PCSK5: variants seen among roughly 807,000 people sequenced by gnomAD.
The protein encoded by PCSK5 is proprotein convertase subtilisin/kexin type 5, also known as prohormone convertase 5.
In PCSK5, 129 loss-of-function variants were observed where a neutral mutation model predicts 233.2. The ratio of observed to expected loss-of-function variants is 0.55; its 90% CI spans 0.48 to 0.64. The LOEUF (loss-of-function observed/expected upper bound fraction) is 0.64, where lower values mean the gene tolerates loss of function less well. Among genes scored for constraint, PCSK5 ranks in the 30% least tolerant of loss-of-function variants. The probability of loss-of-function intolerance (pLI) is 0.00; values close to 1 mark genes in which losing one functional copy is unlikely to be tolerated. For missense variants in PCSK5, 2,076 were observed against 2,430.1 expected (o/e 0.85, Z 3.06); for synonymous variants, 825 against 879.2 (o/e 0.94, Z 1.09).
intron 32 of PCSK5, among the ~76,000 whole-genome samples, chr9:76,324,358 G>A (rs998620479): frequency 6.6e-6 from 1 of 152,046 alleles, no homozygotes; most frequent in African/African-American, 2.4e-5. Context: ...AGCCTCCTGA[G>A]TAGCTGGGAT....
At chr9:76,138,676 T>G (rs1823078939) in intron 10 of PCSK5, among the ~76,000 whole-genome samples, 1 of 152,090 alleles carries the variant, frequency 6.6e-6, no homozygotes, top group Non-Finnish European at 1.5e-5. Context: ...TAGTTTTCTT[T>G]TTTTCAAAGT....
chr9:76,210,222 T>C (rs1825279705), intron 20 of PCSK5, among the ~76,000 whole-genome samples: 1 of 152,136 alleles, frequency 6.6e-6, no homozygotes, highest in Non-Finnish European at 1.5e-5. Flanking sequence ...ATCAAGCCAG[T>C]TACTGTAAGC....
chr9:75,934,368 G>T (rs1039506901), intron 2 of PCSK5, among the ~76,000 whole-genome samples: 2 of 152,050 alleles, frequency 1.3e-5, no homozygotes, highest in Admixed American at 1.3e-4. Context: ...CCACACTTTC[G>T]GATCTTTCTT....
rs570760326 is a variant in PCSK5 at position 76,314,964 on chromosome 9, A to AT, written c.3884+4124dup. Among the ~76,000 whole-genome samples, 330 of 135,586 alleles carry AT rather than the reference A, an allele frequency of 2.4e-3. 1 individual carries two copies. Among genetic ancestry groups the AT allele is most frequent in the African/African-American group, 6.6e-3 (238 of 36,122 alleles). The allele number at this position is 135,586 out of a possible 152,430, so 88.9% of individuals were successfully genotyped here. On this transcript the variant is annotated intron_variant, in intron 30 of 37. Transcript: ENST00000674117. ...CAAAAATAGGTTTTAACAGTAACGTATTTTTTTTTTTCTGAGATGGAGTTT... is the reference window on the plus strand; with the variant it reads ...CAAAAATAGGTTTTAACAGTAACGTATTTTTTTTTTTTCTGAGATGGAGTTT...
rs958430691 is a variant in PCSK5, at chr9:76,302,152, C to T, written c.3539C>T (p.Ala1180Val). The change falls in exon 28 of 38, where the codon GCA becomes GTA. Residue 1180 changes from alanine (A) to valine (V), a missense_variant. By Grantham distance (64) the Ala-to-Val change is moderately conservative. Coordinates refer to ENST00000674117, the MANE Select transcript of PCSK5 (RefSeq NM_001372043.1). ...GKFWNEAVSTANLSVVKSLLQ... is the reference protein window; with the variant it reads ...GKFWNEAVSTVNLSVVKSLLQ... ...AATAAAAAAGAAGCTGTGTCCACTG[C>T]AAACCTATCTGTGGTGAAGAGCCTG... The T allele has an allele frequency of 7.5e-7, 1 of 1,339,056 alleles. No individual in the cohort carries two copies. Among genetic ancestry groups the T allele is most frequent in the African/African-American group, 1.5e-5 (1 of 65,452 alleles). 82.9% of individuals were successfully genotyped at this position (1,339,056 alleles called of 1,614,324 possible). A position where few individuals can be genotyped will look rare whatever the true frequency, so the allele number is the denominator to read the frequency against.
intron 30 of PCSK5, among the ~76,000 whole-genome samples, chr9:76,312,816 T>C (rs2131442536): frequency 6.6e-6 from 1 of 152,242 alleles, no homozygotes; most frequent in East Asian, 1.9e-4. Flanking sequence ...GATATTGATA[T>C]TGATATTGAT....
chr9:76,358,021 A>C (rs1379587558), intron 37 of PCSK5, among the ~76,000 whole-genome samples: 1 of 152,176 alleles, frequency 6.6e-6, no homozygotes, highest in African/African-American at 2.4e-5. Context: ...TTTTCTTAGG[A>C]GGGAAATAGA....
At chr9:76,228,507 T>G (rs941663094) in intron 21 of PCSK5, among the ~76,000 whole-genome samples, 3 of 152,216 alleles carry the variant, frequency 2.0e-5, no homozygotes, top group Non-Finnish European at 4.4e-5. Flanking sequence ...TCGGGGATAA[T>G]AGCAGGCACT....
intron 5 of PCSK5, among the ~76,000 whole-genome samples, chr9:76,042,342 A>C (rs1001048888): frequency 6.6e-6 from 1 of 152,226 alleles, no homozygotes; most frequent in African/African-American, 2.4e-5. Flanking sequence ...TATTTCTCTT[A>C]AATGACTTCA....
At chr9:76,115,303 T>C (rs1832380377) in intron 9 of PCSK5, among the ~76,000 whole-genome samples, 1 of 152,090 alleles carries the variant, frequency 6.6e-6, no homozygotes, top group African/African-American at 2.4e-5. Flanking sequence ...AAAAAGTGCC[T>C]ACCCGGAGAT....
At chr9:76,251,224 G>A (rs986996141) in intron 24 of PCSK5, among the ~76,000 whole-genome samples, 3 of 152,064 alleles carry the variant, frequency 2.0e-5, no homozygotes, top group African/African-American at 4.8e-5. Context: ...CTATGATCAC[G>A]CCACTGCACT....
At chr9:76,159,670 T>G (rs7357635) in intron 12 of PCSK5, among the ~76,000 whole-genome samples, 46,484 of 152,052 alleles carry the variant, frequency 0.31, 7,799 homozygotes, top group African/African-American at 0.43. Context: ...AACTCTGCCA[T>G]TCGAGTACAG....
chr9:76,114,943 G>A (rs1369890535), intron 9 of PCSK5, among the ~76,000 whole-genome samples: 3 of 152,046 alleles, frequency 2.0e-5, no homozygotes, highest in Admixed American at 6.6e-5. Context: ...AGAGATTAGG[G>A]TAGCCTGGTC....
chr9:75,982,526 C>T (rs1218891637), intron 2 of PCSK5, among the ~76,000 whole-genome samples: 1 of 152,120 alleles, frequency 6.6e-6, no homozygotes, highest in East Asian at 1.9e-4. Context: ...AGTTTGGTTT[C>T]ATTTGCTTTT....
intron 3 of PCSK5, among the ~76,000 whole-genome samples, chr9:76,006,232 T>C (rs1440704994): frequency 2.6e-5 from 4 of 152,252 alleles, no homozygotes; most frequent in East Asian, 3.9e-4. Flanking sequence ...AATTTTAATG[T>C]ATTTTTATTT....
chr9:76,227,433 C>A, intron 20 of PCSK5, 70 bp from the exon 21 acceptor site: 1 of 1,072,240 alleles, frequency 9.3e-7, no homozygotes, highest in South Asian at 1.4e-5. Flanking sequence ...GATCTGGCTG[C>A]TCTCAGACTG....
At position 76,295,310 on chromosome 9, in the gene PCSK5, AG is replaced by A. The variant is rs1446869493; in HGVS notation, c.3222del (p.Thr1075ProfsTer33). 1.3e-5 allele frequency: 21 copies of A among 1,611,978 alleles called. No individual in the cohort carries two copies. Among genetic ancestry groups the A allele is most frequent in the Non-Finnish European group, 1.7e-5 (20 of 1,179,196 alleles). On this transcript the variant is annotated frameshift_variant, in exon 26 of 38. Transcript: ENST00000674117. LOFTEE classifies it high-confidence loss of function. ...CATTGTTATAAAACCTGTCCTGAGA[AG>A]ACCTACAGTGAGGAAGTGGAATGCA... is the stretch of plus-strand genomic sequence containing the variant. ...DHHCYKTCPE[K>X]TYSEEVECKA...
Position 76,360,841 on chromosome 9 carries a change from A to G in PCSK5, c.*1919A>G, listed in dbSNP as rs1830419477. The G allele has an allele frequency of 6.6e-6, 1 of 152,242 alleles. No homozygotes were observed. The highest frequency in any genetic ancestry group is 1.5e-5 in the Non-Finnish European group (1 of 68,044). 9.4% of individuals were successfully genotyped at this position (152,242 alleles called of 1,614,324 possible). A position where few individuals can be genotyped will look rare whatever the true frequency, so the allele number is the denominator to read the frequency against. On this transcript the variant is annotated 3_prime_UTR_variant, in exon 38 of 38. Coordinates refer to ENST00000674117, the MANE Select transcript of PCSK5 (RefSeq NM_001372043.1). ...CATTTGAAATTCAGGTAATTTTCAC[A>G]TATTATAAAATTTTATTCTTCTTTT...
At chr9:75,940,747 A>C (rs755856023) in intron 2 of PCSK5, among the ~76,000 whole-genome samples, 3 of 152,210 alleles carry the variant, frequency 2.0e-5, no homozygotes, top group Admixed American at 1.3e-4. Flanking sequence ...CCATTTCCCC[A>C]TGGATTCACT....
Sources: allele counts gnomAD v4.1 joint callset (sites outside exome capture counted in the v4.1 genomes callset), GRCh38; gene constraint gnomAD v4.1.1; transcripts MANE v1.5; gene names NCBI Gene and HGNC (gene_info 2026-07-23, HGNC 2026-07-21).